CTNND2: variants seen among roughly 807,000 people sequenced by gnomAD.
CTNND2 encodes the protein catenin delta-2.
A neutral mutation model predicts 144.4 loss-of-function variants in CTNND2; 22 were observed. The ratio of observed to expected loss-of-function variants is 0.15; its 90% CI spans 0.11 to 0.22. CTNND2 has a LOEUF of 0.22. Ranked by LOEUF, CTNND2 falls within the 10% of genes least tolerant of loss-of-function variation. The pLI, the probability that CTNND2 is intolerant of heterozygous loss-of-function variation, is 1.00. For synonymous variants in CTNND2, 751 were observed against 695.6 expected (o/e 1.08, Z -1.25); for missense variants, 1,353 against 1,618.8 (o/e 0.84, Z 2.82).
At chr5:11,626,692 G>A (rs1781173290) in intron 2 of CTNND2, among the ~76,000 whole-genome samples, 1 of 152,206 alleles carries the variant, frequency 6.6e-6, no homozygotes, top group South Asian at 2.1e-4. Flanking sequence ...GATATAGGAA[G>A]CTATGACACT....
chr5:11,240,837 C>A (rs1469473131), intron 9 of CTNND2, among the ~76,000 whole-genome samples: 1 of 139,950 alleles, frequency 7.1e-6, no homozygotes, highest in Non-Finnish European at 1.6e-5. Flanking sequence ...CACACACCCC[C>A]CAACACACAC....
chr5:11,306,679 A>G (rs1750242448), intron 9 of CTNND2, among the ~76,000 whole-genome samples: 1 of 152,204 alleles, frequency 6.6e-6, no homozygotes. Flanking sequence ...TTTAAACTTT[A>G]TGGATGTGCT....
chr5:11,743,969 CATATT>C (rs1788163920), intron 1 of CTNND2, among the ~76,000 whole-genome samples: 1 of 152,068 alleles, frequency 6.6e-6, no homozygotes. Flanking sequence ...TTCTTAGTGA[CATATT>C]ATGTGTGAAG....
At chr5:11,321,754 CACAA>C (rs1752057609) in intron 9 of CTNND2, among the ~76,000 whole-genome samples, 1 of 152,120 alleles carries the variant, frequency 6.6e-6, no homozygotes, top group Non-Finnish European at 1.5e-5. Context: ...ATCACACACA[CACAA>C]ACACACTAAC....
intron 5 of CTNND2, among the ~76,000 whole-genome samples, chr5:11,403,457 A>T (rs1581121532): frequency 6.6e-6 from 1 of 152,226 alleles, no homozygotes; most frequent in African/African-American, 2.4e-5. Context: ...GCAAACTGAC[A>T]TTTATCATAA....
At chr5:11,626,806 G>A (rs1382602145) in intron 2 of CTNND2, among the ~76,000 whole-genome samples, 2 of 152,162 alleles carry the variant, frequency 1.3e-5, no homozygotes, top group Non-Finnish European at 2.9e-5. Context: ...AAAAGTACAA[G>A]AAGAGTTTTA....
chr5:11,679,611 G>A (rs992826767), intron 2 of CTNND2, among the ~76,000 whole-genome samples: 1 of 152,172 alleles, frequency 6.6e-6, no homozygotes, highest in South Asian at 2.1e-4. Context: ...TTCATTGGCT[G>A]CAATCAAGTG....
chr5:11,128,777 A>ATATATAT (rs1491571425), intron 12 of CTNND2, among the ~76,000 whole-genome samples: 3 of 39,446 alleles, frequency 7.6e-5, no homozygotes, highest in Non-Finnish European at 1.4e-4. Context: ...TATTATATAT[A>ATATATAT]AAATATATAA....
At chr5:11,398,894 C>G (rs1300429040) in intron 5 of CTNND2, among the ~76,000 whole-genome samples, 6 of 152,146 alleles carry the variant, frequency 3.9e-5, no homozygotes, top group Admixed American at 3.3e-4. Context: ...AGCTGCCAGG[C>G]CCAGCAGAGT....
chr5:11,575,198 G>C (rs964506967), intron 2 of CTNND2, among the ~76,000 whole-genome samples: 1 of 152,138 alleles, frequency 6.6e-6, no homozygotes, highest in Non-Finnish European at 1.5e-5. Context: ...CTTGATGACA[G>C]GCACCATGCT....
chr5:11,147,860 C>A (rs73051672), intron 12 of CTNND2, among the ~76,000 whole-genome samples: 12,074 of 152,136 alleles, frequency 0.079, 1,523 homozygotes, highest in African/African-American at 0.27. Flanking sequence ...TAGGTATATA[C>A]CCAAAATAAT....
chr5:11,747,689 G>T (rs908492637), intron 1 of CTNND2, among the ~76,000 whole-genome samples: 1 of 152,050 alleles, frequency 6.6e-6, no homozygotes, highest in African/African-American at 2.4e-5. Context: ...TTTAATCATA[G>T]ATTTACATCA....
intron 1 of CTNND2, among the ~76,000 whole-genome samples, chr5:11,768,394 AT>A (rs1222142843): frequency 1.3e-5 from 2 of 152,126 alleles, no homozygotes; most frequent in Non-Finnish European, 2.9e-5. Flanking sequence ...GGCTGAAGCA[AT>A]TCTCCTGCCT....
At chr5:11,723,210 G>GT (rs906180982) in intron 2 of CTNND2, among the ~76,000 whole-genome samples, 4 of 151,548 alleles carry the variant, frequency 2.6e-5, no homozygotes, top group Admixed American at 6.6e-5. Context: ...AATATGGTAG[G>GT]TTTTTTTTCC....
At chr5:11,236,961 T>G in intron 9 of CTNND2, 138 bp from the exon 10 acceptor site, 1 of 814,276 alleles carries the variant, frequency 1.2e-6, no homozygotes, top group South Asian at 1.8e-5. Flanking sequence ...TTTTCTTACA[T>G]GCAGACCCAT....
intron 19 of CTNND2, among the ~76,000 whole-genome samples, chr5:10,989,192 T>C (rs966633231): frequency 6.6e-6 from 1 of 152,046 alleles, no homozygotes; most frequent in Non-Finnish European, 1.5e-5. Flanking sequence ...CTGGGAGAGG[T>C]TGGCAGGAGC....
chr5:11,108,797 C>A (rs1320612730), intron 14 of CTNND2, among the ~76,000 whole-genome samples: 4 of 152,164 alleles, frequency 2.6e-5, no homozygotes, highest in Admixed American at 1.3e-4. Flanking sequence ...TGGTGGAGGA[C>A]AATGTCCCGT....
Position 11,271,978 on chromosome 5 carries a change from T to C in CTNND2, c.1629-35155A>G, listed in dbSNP as rs555238021. Among the ~76,000 whole-genome samples, 4 of 152,196 alleles carry C rather than the reference T, an allele frequency of 2.6e-5. No individual in the cohort carries two copies. In the South Asian group the frequency reaches 8.3e-4, roughly 32 times the overall value. ...ATATAAATGAAGTATAATATAAATA[T>C]AGATAAGCTGTTTTGGGAATAATAC... On this transcript the variant is annotated intron_variant, in intron 9 of 21. Transcript: ENST00000304623.
chr5:11,550,435 G>A (rs1192438314), intron 3 of CTNND2, among the ~76,000 whole-genome samples: 1 of 152,226 alleles, frequency 6.6e-6, no homozygotes, highest in Non-Finnish European at 1.5e-5. Context: ...ACAGGTGGAT[G>A]CCATCATTCC....
Sources: gnomAD v4.1 joint callset for allele counts (sites outside exome capture counted in the v4.1 genomes callset) on GRCh38, gnomAD v4.1.1 for gene constraint, MANE v1.5 for transcripts, NCBI Gene and HGNC (gene_info 2026-07-23, HGNC 2026-07-21) for gene names.